Variants in MTDH observed in about 807,000 individuals in gnomAD.
The protein encoded by MTDH is metadherin.
A neutral mutation model predicts 72.7 loss-of-function variants in MTDH; 34 were observed. The ratio of observed to expected loss-of-function variants is 0.47; its 90% CI spans 0.36 to 0.62. The LOEUF is 0.62. Among genes scored for constraint, MTDH ranks in the 20% least tolerant of loss-of-function variants. The pLI is 0.00. For synonymous variants in MTDH, 266 were observed against 268.9 expected (o/e 0.99, Z 0.10); for missense variants, 677 against 699.4 (o/e 0.97, Z 0.36).
At chr8:97,697,525 G>A (rs1340177448) in intron 6 of MTDH, among the ~76,000 whole-genome samples, 1 of 150,728 alleles carries the variant, frequency 6.6e-6, no homozygotes, top group African/African-American at 2.4e-5. Flanking sequence ...ATCTGGTACT[G>A]CAGGCACGTG....
chr8:97,666,363 C>T (rs905150856), intron 2 of MTDH, among the ~76,000 whole-genome samples: 1 of 152,092 alleles, frequency 6.6e-6, no homozygotes, highest in African/African-American at 2.4e-5. Context: ...TCTCTTAATC[C>T]TGATGAACAA....
chr8:97,675,603 G>A (rs971169308), intron 2 of MTDH, among the ~76,000 whole-genome samples: 1 of 149,462 alleles, frequency 6.7e-6, no homozygotes, highest in African/African-American at 2.5e-5. Context: ...CAGGCAAAGG[G>A]GACTCATACC....
rs1057263878 is a variant in MTDH, at chr8:97,728,810, T to C, written c.*4140T>C. On this transcript the variant is annotated 3_prime_UTR_variant, in exon 12 of 12. Transcript: ENST00000336273. ...AAAAAAAGATTGTTTCTCTTTCATA[T>C]TAAAGTTTGGGAAGGCAATCCAGAG... The C allele has an allele frequency of 6.6e-5, 10 of 151,210 alleles. No individual in the cohort carries two copies. Among genetic ancestry groups the C allele is most frequent in the African/African-American group, 2.4e-4 (10 of 41,246 alleles). 9.4% of individuals were successfully genotyped at this position (151,210 alleles called of 1,614,324 possible).
intron 10 of MTDH, among the ~76,000 whole-genome samples, chr8:97,722,089 C>T (rs182204794): frequency 6.6e-5 from 10 of 152,074 alleles, no homozygotes; most frequent in Admixed American, 1.3e-4. Flanking sequence ...TGGACAACAA[C>T]CAATGAATCA....
At position 97,703,197 on chromosome 8, in the gene MTDH, T is replaced by G. The variant is rs535862931; in HGVS notation, c.1147+3345T>G. On this transcript the variant is annotated intron_variant, in intron 7 of 11. Coordinates refer to ENST00000336273, the MANE Select transcript of MTDH (RefSeq NM_178812.4). ...CTAGGCAGCATAGTGAGACCCCATC[T>G]CTACAAAAAAAAATTAGCTGGGCGT... Among the ~76,000 whole-genome samples, 10 of 152,090 alleles carry G rather than the reference T, an allele frequency of 6.6e-5. No homozygotes were observed. In the East Asian group the frequency reaches 1.7e-3, roughly 27 times the overall value.
intron 9 of MTDH, among the ~76,000 whole-genome samples, chr8:97,714,148 T>C (rs1814753650): frequency 6.6e-6 from 1 of 152,214 alleles, no homozygotes; most frequent in African/African-American, 2.4e-5. Context: ...AGTCTTTCAC[T>C]TGACTTTGAG....
chr8:97,711,870 G>T (rs1472075403), intron 8 of MTDH, among the ~76,000 whole-genome samples: 1 of 152,204 alleles, frequency 6.6e-6, no homozygotes, highest in Non-Finnish European at 1.5e-5. Context: ...TCAGACTGAG[G>T]TTGACCGCAG....
intron 1 of MTDH, among the ~76,000 whole-genome samples, chr8:97,651,686 A>G (rs1811778257): frequency 6.6e-6 from 1 of 152,222 alleles, no homozygotes; most frequent in African/African-American, 2.4e-5. Context: ...ATAATGGGGA[A>G]CAACTGTATA....
chr8:97,675,508 C>T (rs1468475259), intron 2 of MTDH, among the ~76,000 whole-genome samples: 3 of 146,374 alleles, frequency 2.0e-5, no homozygotes, highest in Non-Finnish European at 4.4e-5. Context: ...TGCAGTGAGA[C>T]GAGATCGTGC....
Position 97,729,087 on chromosome 8 carries a change from A to AT in MTDH, c.*4435dup, listed in dbSNP as rs36070456. On this transcript the variant is annotated 3_prime_UTR_variant, in exon 12 of 12. Transcript: ENST00000336273. Reference sequence around the variant, plus strand: ...GGTACACACCACCATGCCTGGCTAAATTTTTTTTTTTTTTTTTTGGTAGAG... The same window carrying AT: ...GGTACACACCACCATGCCTGGCTAAATTTTTTTTTTTTTTTTTTTGGTAGAG... Among the ~76,000 whole-genome samples, 1,039 of 138,030 alleles carry AT rather than the reference A, an allele frequency of 7.5e-3. 10 individuals carry two copies. The highest frequency in any genetic ancestry group is 0.018 in the African/African-American group (669 of 36,322). 90.6% of individuals were successfully genotyped at this position (138,030 alleles called of 152,430 possible).
intron 2 of MTDH, among the ~76,000 whole-genome samples, chr8:97,672,356 T>G (rs1474110835): frequency 6.6e-6 from 1 of 152,218 alleles, no homozygotes; most frequent in Non-Finnish European, 1.5e-5. Context: ...TTTAAATGTT[T>G]TATCTGAGTG....
intron 11 of MTDH, among the ~76,000 whole-genome samples, chr8:97,724,379 C>T (rs1320855270): frequency 1.3e-5 from 2 of 151,970 alleles, no homozygotes; most frequent in South Asian, 4.1e-4. Context: ...GGTTGAATAT[C>T]AGCAGTTCCA....
chr8:97,688,606 T>C (rs982867117), intron 4 of MTDH, among the ~76,000 whole-genome samples: 2 of 152,212 alleles, frequency 1.3e-5, no homozygotes, highest in African/African-American at 4.8e-5. Context: ...CCATATTTCC[T>C]AAGTCCTGGT....
In MTDH at chr8:97,701,022, G is replaced by A. The variant is rs554594772; in HGVS notation, c.1147+1170G>A. On this transcript the variant is annotated intron_variant, in intron 7 of 11. Transcript: ENST00000336273. ...AGGGGGCTGGGGGTTTTCAGTACTA[G>A]CTTAGACAGTAGATACGAATTTTAG... Among the ~76,000 whole-genome samples, 6 of 152,318 alleles carry A rather than the reference G, an allele frequency of 3.9e-5. No homozygotes were observed. The South Asian group carries it at 1.2e-3, about 32-fold the overall frequency.
chr8:97,656,865 T>C (rs1041282163), intron 1 of MTDH, among the ~76,000 whole-genome samples: 1 of 151,682 alleles, frequency 6.6e-6, no homozygotes, highest in Non-Finnish European at 1.5e-5. Context: ...CCAGGCATGA[T>C]GACATGTGTC....
At chr8:97,709,479 ATTACCTT>A (rs1484978875) in intron 8 of MTDH, among the ~76,000 whole-genome samples, 1 of 152,210 alleles carries the variant, frequency 6.6e-6, no homozygotes. Flanking sequence ...ATATTCAGAG[ATTACCTT>A]TTACATTTCT....
intron 1 of MTDH, among the ~76,000 whole-genome samples, chr8:97,651,402 C>T (rs553344818): frequency 6.6e-6 from 1 of 152,216 alleles, no homozygotes; most frequent in South Asian, 2.1e-4. Flanking sequence ...AGTTGGGGAC[C>T]ATTATAAACA....
chr8:97,644,585 G>C lies in MTDH; in HGVS notation c.79G>C (p.Val27Leu). 6.2e-7 allele frequency: 1 copy of C among 1,608,224 alleles called. No individual in the cohort carries two copies. Among genetic ancestry groups the C allele is most frequent in the Non-Finnish European group, 8.5e-7 (1 of 1,179,142 alleles). ...GSARLREMLS[V>L]GLGFLRTELG... Reference sequence around the variant, plus strand: ...GGCCCGGCTGCGGGAAATGCTCTCGGTCGGCCTAGGCTTTCTGCGCACCGA... The same window carrying C: ...GGCCCGGCTGCGGGAAATGCTCTCGCTCGGCCTAGGCTTTCTGCGCACCGA... The change falls in exon 1 of 12, where the codon GTC becomes CTC. Residue 27 changes from valine (V) to leucine (L), a missense_variant. Transcript: ENST00000336273.
At chr8:97,690,877 C>A in intron 5 of MTDH, 75 bp from the exon 6 acceptor site, 2 of 1,017,470 alleles carry the variant, frequency 2.0e-6, no homozygotes, top group Non-Finnish European at 1.4e-6. Flanking sequence ...GTCAAGCAAT[C>A]ATAGAAATGT....
Sources: gnomAD v4.1 joint callset for allele counts (sites outside exome capture counted in the v4.1 genomes callset) on GRCh38, gnomAD v4.1.1 for gene constraint, MANE v1.5 for transcripts, NCBI Gene and HGNC (gene_info 2026-07-23, HGNC 2026-07-21) for gene names.